The following TACC1 variants were observed in gnomAD, a reference collection of about 807,000 sequenced individuals.
TACC1 encodes transforming acidic coiled-coil containing protein 1, also known as transforming acidic coiled-coil-containing protein 1.
A neutral mutation model predicts 84.4 loss-of-function variants in TACC1; 48 were observed. The observed-to-expected ratio is 0.57, with a 90% confidence interval of 0.45 to 0.72. The LOEUF is 0.72. Ranked by LOEUF, TACC1 falls within the 30% of genes least tolerant of loss-of-function variation. TACC1 has a pLI of 0.00. For missense variants in TACC1, 920 were observed against 973.0 expected (o/e 0.95, Z 0.72); for synonymous variants, 372 against 376.3 (o/e 0.99, Z 0.13).
At chr8:38,836,434 C>T in intron 7 of TACC1, 147 bp downstream of exon 7, 2 of 1,091,480 alleles carry the variant, frequency 1.8e-6, no homozygotes, top group Non-Finnish European at 2.6e-6. Context: ...TAAAAGGGCC[C>T]CCTGTGGCAG....
At chr8:38,761,265 AACCTGT>A (rs1294241705) in intron 3 of TACC1, among the ~76,000 whole-genome samples, 1 of 152,216 alleles carries the variant, frequency 6.6e-6, no homozygotes, top group East Asian at 1.9e-4. Context: ...GACAAAGCAG[AACCTGT>A]GATTCATTGG....
At chr8:38,810,990 T>A (rs1413429138) in intron 2 of TACC1, among the ~76,000 whole-genome samples, 1 of 152,030 alleles carries the variant, frequency 6.6e-6, no homozygotes, top group East Asian at 1.9e-4. Context: ...TGTGGTGGTG[T>A]GCCTGTAGTC....
At chr8:38,820,667 C>T in intron 3 of TACC1, 32 bp downstream of exon 3, 1 of 1,578,542 alleles carries the variant, frequency 6.3e-7, no homozygotes, top group East Asian at 2.2e-5. Context: ...GTGTCGTGCT[C>T]TGTGTCTTGT....
chr8:38,770,403 C>G (rs1813344791), intron 3 of TACC1, among the ~76,000 whole-genome samples: 1 of 152,130 alleles, frequency 6.6e-6, no homozygotes, highest in African/African-American at 2.4e-5. Flanking sequence ...TTTCCCTCCC[C>G]TGCCCCCTCC....
intron 2 of TACC1, among the ~76,000 whole-genome samples, chr8:38,814,158 A>G (rs1009679944): frequency 2.6e-5 from 4 of 152,232 alleles, no homozygotes; most frequent in African/African-American, 4.8e-5. Flanking sequence ...ACAAGGGTCT[A>G]CTGCAGTATA....
At chr8:38,808,907 C>T (rs910172448) in intron 2 of TACC1, among the ~76,000 whole-genome samples, 2 of 152,108 alleles carry the variant, frequency 1.3e-5, no homozygotes, top group Admixed American at 6.5e-5. Context: ...TCCCACCCAC[C>T]GCCTCTGCTT....
intron 6 of TACC1, among the ~76,000 whole-genome samples, chr8:38,835,693 T>A (rs1830091598): frequency 6.6e-6 from 1 of 152,216 alleles, no homozygotes; most frequent in Non-Finnish European, 1.5e-5. Context: ...TGAAAGTTAG[T>A]ATTTTAGAAA....
chr8:38,836,203 G>A lies in TACC1; in HGVS notation c.1755G>A (p.Val585=). Residue 585 remains valine (V), a synonymous_variant, in exon 7 of 13, where the codon GTG becomes GTA. Transcript: ENST00000317827. ...CTGCAGAGAAGGCCCCTGTGTCGGT[G>A]TCCTGTGGAGGTGAGAGCCCCCTGG... ...ESSAEKAPVS[V]SCGGESPLDG... is the part of the protein sequence containing the mutation. 1 of 1,613,486 alleles carries A rather than the reference G, an allele frequency of 6.2e-7. No individual in the cohort carries two copies. Among genetic ancestry groups the A allele is most frequent in the Non-Finnish European group, 8.5e-7 (1 of 1,179,888 alleles).
chr8:38,749,749 G>A (rs904428319), intron 3 of TACC1, among the ~76,000 whole-genome samples: 1 of 151,922 alleles, frequency 6.6e-6, no homozygotes, highest in Admixed American at 6.6e-5. Context: ...GCACAACCAC[G>A]CCTGGCTAAT....
chr8:38,772,127 C>G (rs1280853182), intron 3 of TACC1, among the ~76,000 whole-genome samples: 1 of 152,044 alleles, frequency 6.6e-6, no homozygotes, highest in African/African-American at 2.4e-5. Flanking sequence ...CAGAAATAAA[C>G]GTGTTCAAAT....
chr8:38,736,545 G>A (rs374543986), intron 1 of TACC1, among the ~76,000 whole-genome samples: 17 of 152,212 alleles, frequency 1.1e-4, no homozygotes, highest in Admixed American at 9.8e-4. Flanking sequence ...GAGCTCAGGA[G>A]GTCAAGGCTG....
At position 38,788,065 on chromosome 8, in the gene TACC1, G is replaced by C. The variant is rs1817714699; in HGVS notation, c.161+322G>C. On this transcript the variant is annotated intron_variant, in intron 1 of 12. Coordinates refer to ENST00000317827, the MANE Select transcript of TACC1 (RefSeq NM_006283.3). ...CCCTCCACACTGGAGCAACGTCACT[G>C]ATCTAACCCAGTGCAACTTAGGGCC... 8 of 342,594 alleles carry C rather than the reference G, an allele frequency of 2.3e-5. No individual in the cohort carries two copies. In the South Asian group the frequency reaches 3.9e-4, roughly 17 times the overall value. The allele number at this position is 342,594 out of a possible 1,614,324, so 21.2% of individuals were successfully genotyped here.
chr8:38,819,727 T>G lies in TACC1; in HGVS notation c.483T>G (p.Asp161Glu). The G allele has an allele frequency of 6.2e-7, 1 of 1,614,172 alleles. No individual in the cohort carries two copies. The highest frequency in any genetic ancestry group is 8.5e-7 in the Non-Finnish European group (1 of 1,180,042). Residue 161 changes from aspartate to glutamate, a missense_variant, in exon 3 of 13, where the codon GAT becomes GAG. Asp to Glu is a conservative substitution (Grantham distance 45). Transcript: ENST00000317827. ...CAATAGAAACGAAGGATTCCACGGA[T>G]ATCTCGGCAGTCCTCGGAACAAAAG... ...PFSIETKDST[D>E]ISAVLGTKAA...
chr8:38,826,013 T>G (rs1827951924), intron 4 of TACC1, among the ~76,000 whole-genome samples: 1 of 152,234 alleles, frequency 6.6e-6, no homozygotes, highest in African/African-American at 2.4e-5. Flanking sequence ...CCGTATAAAC[T>G]AATTGCAAAA....
chr8:38,774,225 G>A (rs115618666), intron 3 of TACC1, among the ~76,000 whole-genome samples: 5,370 of 152,238 alleles, frequency 0.035, 146 homozygotes, highest in Non-Finnish European at 0.051. Flanking sequence ...CACCGATGCC[G>A]TCCACCAGCC....
intron 2 of TACC1, among the ~76,000 whole-genome samples, chr8:38,817,714 T>G (rs1825741692): frequency 6.6e-6 from 1 of 151,844 alleles, no homozygotes; most frequent in Non-Finnish European, 1.5e-5. Context: ...AGTATGTTTG[T>G]GAAGTATAAT....
chr8:38,810,796 T>C (rs1823910286), intron 2 of TACC1, among the ~76,000 whole-genome samples: 1 of 152,110 alleles, frequency 6.6e-6, no homozygotes. Flanking sequence ...TGAACATACT[T>C]CTACTTATTC....
Position 38,820,551 on chromosome 8 carries a change from C to T in TACC1, c.1307C>T (p.Thr436Ile), listed in dbSNP as rs1432830933. The T allele has an allele frequency of 6.2e-7, 1 of 1,614,118 alleles. No homozygotes were observed. The highest frequency in any genetic ancestry group is 8.5e-7 in the Non-Finnish European group (1 of 1,180,028). The change falls in exon 3 of 13, where the codon ACA (threonine) becomes ATA (isoleucine). Residue 436 changes from threonine to isoleucine, a missense_variant. By Grantham distance (89) the Thr-to-Ile change is moderately conservative (BLOSUM62 -1). Around this residue, in one of 2 missense-constraint regions of TACC1, gnomAD observed 762 missense variants for 747.3 expected, o/e 1.02. Coordinates refer to ENST00000317827, the MANE Select transcript of TACC1 (RefSeq NM_006283.3). ...MDPFKPTTTLTSSDFCSPTGN... is the reference protein window; with the variant it reads ...MDPFKPTTTLISSDFCSPTGN... The stretch of plus-strand genomic sequence containing the variant: ...CCCTTTAAACCAACTACGACCTTAA[C>T]AAGCAGTGACTTTTGTTCTCCCACT...
chr8:38,795,965 A>G (rs1819869042), intron 2 of TACC1, among the ~76,000 whole-genome samples: 1 of 152,260 alleles, frequency 6.6e-6, no homozygotes, highest in African/African-American at 2.4e-5. Context: ...TGGCAGATGC[A>G]GATACTCTCC....
Sources: allele counts gnomAD v4.1 joint callset (sites outside exome capture counted in the v4.1 genomes callset), GRCh38; gene constraint gnomAD v4.1.1; regional missense constraint gnomAD v4.1.1; transcripts MANE v1.5; gene names NCBI Gene and HGNC (gene_info 2026-07-23, HGNC 2026-07-21).